Variants in DRC11L observed in about 807,000 individuals in gnomAD.
The protein encoded by DRC11L is dynein regulatory complex subunit like-11.
chr7:151,204,403 G>T, the DRC11L span: 1 of 391,066 alleles, frequency 2.6e-6, no homozygotes, highest in East Asian at 3.6e-5. Flanking sequence ...ACCCCAAGCT[G>T]GCCAGGGCGT....
chr7:151,199,304 C>G, the DRC11L span, among the ~76,000 whole-genome samples: 16 of 152,230 alleles, frequency 1.1e-4, no homozygotes, highest in South Asian at 3.3e-3. This position sits in a 1 kb window ranked among gnomAD's most constrained non-coding sequence, Gnocchi z 5.2. Context: ...CCGGCCCCAG[C>G]CCCCGCCTGC....
the DRC11L span, among the ~76,000 whole-genome samples, chr7:151,198,549 CT>C: frequency 6.6e-6 from 1 of 152,128 alleles, no homozygotes. Flanking sequence ...TTTCCCCACC[CT>C]ATTCTGGCAC....
chr7:151,197,675 C>CA, the DRC11L span: 1 of 392,602 alleles, frequency 2.5e-6, no homozygotes, highest in Non-Finnish European at 4.5e-6. Flanking sequence ...TCCTCTTCCC[C>CA]ATGCCGTCTT....
the DRC11L span, among the ~76,000 whole-genome samples, chr7:151,201,550 A>C: frequency 6.6e-6 from 1 of 152,226 alleles, no homozygotes; most frequent in Non-Finnish European, 1.5e-5. This position sits in a 1 kb window ranked among gnomAD's most constrained non-coding sequence, Gnocchi z 4.1. Context: ...GTAATGCACG[A>C]ATCTATCCCA....
the DRC11L span, chr7:151,205,328 C>A: frequency 7.5e-6 from 3 of 398,880 alleles, no homozygotes; most frequent in Admixed American, 4.4e-5. Flanking sequence ...GCAGCAGCAG[C>A]AGCTGGGGTG....
At chr7:151,197,751 A>C in the DRC11L span, 5 of 380,848 alleles carry the variant, frequency 1.3e-5, no homozygotes, top group African/African-American at 8.9e-5. Context: ...ACCCCACCCC[A>C]CTCGCTATTC....
chr7:151,203,739 G>C, the DRC11L span, among the ~76,000 whole-genome samples: 47 of 152,226 alleles, frequency 3.1e-4, 1 homozygote, highest in East Asian at 8.9e-3. Context: ...CTCATGGTAG[G>C]TGGCAGTGGT....
At chr7:151,197,832 G>A in the DRC11L span, 7 of 399,262 alleles carry the variant, frequency 1.8e-5, no homozygotes, top group South Asian at 2.5e-4. Context: ...CTGTTCTGGC[G>A]TTTTGTCTGC....
At chr7:151,198,897 G>A in the DRC11L span, 1 of 399,120 alleles carries the variant, frequency 2.5e-6, no homozygotes, top group Non-Finnish European at 4.4e-6. Context: ...CACCATTGCT[G>A]CCCGGAACTC....
At chr7:151,192,505 C>T in the DRC11L span, 55 of 398,694 alleles carry the variant, frequency 1.4e-4, no homozygotes, top group African/African-American at 9.2e-4. Context: ...AGTGGCCCAG[C>T]GTATGGGGCT....
the DRC11L span, chr7:151,204,876 G>A: frequency 5.0e-6 from 2 of 398,974 alleles, no homozygotes; most frequent in African/African-American, 2.1e-5. Flanking sequence ...TCTGAGCCAC[G>A]GAGGAGTGGG....
chr7:151,205,070 G>A, the DRC11L span, among the ~76,000 whole-genome samples: 28 of 152,212 alleles, frequency 1.8e-4, no homozygotes, highest in Non-Finnish European at 3.5e-4. Context: ...GAGAGAATGG[G>A]CATGACCTTT....
At chr7:151,195,775 G>A in the DRC11L span, 2 of 396,984 alleles carry the variant, frequency 5.0e-6, no homozygotes, top group Non-Finnish European at 8.9e-6. Context: ...AGCCCAGTGA[G>A]CCCGATGAAG....
chr7:151,195,164 A>G, the DRC11L span, among the ~76,000 whole-genome samples: 1 of 152,132 alleles, frequency 6.6e-6, no homozygotes, highest in East Asian at 1.9e-4. Flanking sequence ...GGAAGTGGAG[A>G]GCAATGACCT....
the DRC11L span, chr7:151,198,777 G>A: frequency 7.5e-6 from 3 of 398,962 alleles, no homozygotes; most frequent in Non-Finnish European, 1.3e-5. Flanking sequence ...ATGGAGGGTA[G>A]GGTCAGCTGA....
the DRC11L span, chr7:151,195,779 G>A: frequency 3.3e-5 from 13 of 395,988 alleles, no homozygotes; most frequent in Admixed American, 1.8e-4. Context: ...CAGTGAGCCC[G>A]ATGAAGGCAG....
At chr7:151,204,774 T>C in the DRC11L span, 137 of 399,082 alleles carry the variant, frequency 3.4e-4, no homozygotes, top group Non-Finnish European at 5.4e-4. Context: ...GAGCAGAAGC[T>C]GCTCTTGGTC....
the DRC11L span, among the ~76,000 whole-genome samples, chr7:151,199,331 C>CGAGTT: frequency 6.6e-6 from 1 of 151,998 alleles, no homozygotes; most frequent in Non-Finnish European, 1.5e-5. The surrounding 1 kb of genome is among the most constrained non-coding windows in gnomAD (Gnocchi z 5.2). Context: ...GCCCCGCGGC[C>CGAGTT]GAGTTGGCAG....
chr7:151,199,894 C>G, the DRC11L span, among the ~76,000 whole-genome samples: 1 of 152,330 alleles, frequency 6.6e-6, no homozygotes, highest in South Asian at 2.1e-4. The surrounding 1 kb of genome is among the most constrained non-coding windows in gnomAD (Gnocchi z 5.2). Context: ...ATTCAAGGAG[C>G]CAGGCCTACT....
Sources: allele counts gnomAD v4.1 joint callset (sites outside exome capture counted in the v4.1 genomes callset), GRCh38; gene constraint gnomAD v4.1.1; non-coding constraint Gnocchi (gnomAD v3.1); transcripts MANE v1.5; gene names NCBI Gene and HGNC (gene_info 2026-07-23, HGNC 2026-07-21).